The following CLSTN2 variants were observed in gnomAD, a reference collection of about 807,000 sequenced individuals.
The protein encoded by CLSTN2 is calsyntenin-2.
A neutral mutation model predicts 101.2 loss-of-function variants in CLSTN2; 48 were observed. The ratio of observed to expected loss-of-function variants is 0.47; its 90% CI spans 0.38 to 0.60. The LOEUF (loss-of-function observed/expected upper bound fraction) is 0.60, where lower values mean the gene tolerates loss of function less well. Among genes scored for constraint, CLSTN2 ranks in the 20% least tolerant of loss-of-function variants. CLSTN2 has a pLI of 0.00. For missense variants in CLSTN2, 1,160 were observed against 1,238.2 expected (o/e 0.94, Z 0.95); for synonymous variants, 481 against 463.6 (o/e 1.04, Z -0.48).
In CLSTN2 at chr3:139,951,731, C is replaced by T. The variant is rs926150503; in HGVS notation, c.109+16248C>T. Reference sequence around the variant, plus strand: ...GGAATATCTTTAAGGCAGCTGCCACCCTTTGGGAAAGAGGAGCTTGACAAA... The same window carrying T: ...GGAATATCTTTAAGGCAGCTGCCACTCTTTGGGAAAGAGGAGCTTGACAAA... On this transcript the variant is annotated intron_variant, in intron 1 of 16. Transcript: ENST00000458420. Among the ~76,000 whole-genome samples the T allele has an allele frequency of 5.3e-5, 8 of 152,062 alleles. No individual in the cohort carries two copies. In the East Asian group the frequency reaches 1.5e-3, roughly 29 times the overall value.
At chr3:139,974,817 G>A (rs2107820604) in intron 1 of CLSTN2, among the ~76,000 whole-genome samples, 1 of 152,306 alleles carries the variant, frequency 6.6e-6, no homozygotes, top group East Asian at 1.9e-4. Flanking sequence ...TTTATTCTGG[G>A]TAATCAGGCC....
chr3:140,322,605 T>G lies in CLSTN2; in HGVS notation c.233-81024T>G, dbSNP rs145884590. Among the ~76,000 whole-genome samples, 225 of 152,364 alleles carry G rather than the reference T, an allele frequency of 1.5e-3. 1 individual carries two copies. The highest frequency in any genetic ancestry group is 2.7e-3 in the Non-Finnish European group (183 of 68,028). ...ATAAGCCATTTGCTTTTATTTCTGTTGAACCTTAAAAACACATTAACAGAA... is the reference window on the plus strand; with the variant it reads ...ATAAGCCATTTGCTTTTATTTCTGTGGAACCTTAAAAACACATTAACAGAA... On this transcript the variant is annotated intron_variant, in intron 2 of 16. Coordinates refer to ENST00000458420, the MANE Select transcript of CLSTN2 (RefSeq NM_022131.3).
intron 4 of CLSTN2, among the ~76,000 whole-genome samples, chr3:140,405,974 GAT>G (rs1351810985): frequency 6.6e-6 from 1 of 151,608 alleles, no homozygotes; most frequent in East Asian, 1.9e-4. Context: ...CTGGAAAGGA[GAT>G]AGAGTGGAAC....
intron 2 of CLSTN2, among the ~76,000 whole-genome samples, chr3:140,193,526 T>C (rs2010602554): frequency 6.6e-6 from 1 of 152,032 alleles, no homozygotes; most frequent in African/African-American, 2.4e-5. Flanking sequence ...TTTTGTTTGT[T>C]TGTTTGTTTG....
intron 2 of CLSTN2, among the ~76,000 whole-genome samples, chr3:140,273,381 A>AAT (rs1298117350): frequency 1.3e-5 from 2 of 152,102 alleles, no homozygotes; most frequent in African/African-American, 4.8e-5. Flanking sequence ...GTAAAATAAG[A>AAT]ATATATATAT....
intron 2 of CLSTN2, among the ~76,000 whole-genome samples, chr3:140,324,321 C>T (rs1180059250): frequency 6.6e-6 from 1 of 152,186 alleles, no homozygotes; most frequent in Non-Finnish European, 1.5e-5. Context: ...AATAATTAAA[C>T]AGTCCATGTT....
At position 139,935,730 on chromosome 3, in the gene CLSTN2, G is replaced by C. The variant is rs1192333636; in HGVS notation, c.109+247G>C. ...CTGAGCAGAAGGCGAGGTCTGGGGA[G>C]TACGGACAACTTTGAGGGCTGTCTG... On this transcript the variant is annotated intron_variant, in intron 1 of 16. Coordinates refer to ENST00000458420, the MANE Select transcript of CLSTN2 (RefSeq NM_022131.3). The surrounding 1 kb of genome is among the most constrained non-coding windows in gnomAD (Gnocchi z 5.5). Among the ~76,000 whole-genome samples the C allele has an allele frequency of 6.6e-6, 1 of 151,998 alleles. No homozygotes were observed. Among genetic ancestry groups the C allele is most frequent in the Non-Finnish European group, 1.5e-5 (1 of 67,942 alleles).
intron 1 of CLSTN2, among the ~76,000 whole-genome samples, chr3:140,033,570 T>C (rs983576361): frequency 6.6e-6 from 1 of 152,198 alleles, no homozygotes; most frequent in Non-Finnish European, 1.5e-5. Flanking sequence ...CCACTATCAC[T>C]GTGTACCTTC....
chr3:140,314,578 T>A (rs1049485775), intron 2 of CLSTN2, among the ~76,000 whole-genome samples: 3 of 144,858 alleles, frequency 2.1e-5, no homozygotes, highest in Non-Finnish European at 4.5e-5. Flanking sequence ...AGCCAGTGCT[T>A]TTTTTTTTCT....
chr3:140,129,748 C>T (rs2009493855), intron 1 of CLSTN2, among the ~76,000 whole-genome samples: 1 of 152,148 alleles, frequency 6.6e-6, no homozygotes, highest in Non-Finnish European at 1.5e-5. Flanking sequence ...TAATCAGGCA[C>T]CAGATCAGCT....
Position 140,563,095 on chromosome 3 carries a change from G to A in CLSTN2, c.2374G>A (p.Glu792Lys). The A allele has an allele frequency of 6.2e-7, 1 of 1,614,088 alleles. No individual in the cohort carries two copies. The highest frequency in any genetic ancestry group is 8.5e-7 in the Non-Finnish European group (1 of 1,180,000). Residue 792 changes from glutamate to lysine, a missense_variant, in exon 15 of 17, where the codon GAA becomes AAA. Physicochemically the swap from Glu to Lys is moderately conservative, Grantham distance 56. Coordinates refer to ENST00000458420, the MANE Select transcript of CLSTN2 (RefSeq NM_022131.3). ...EFNLEVSILH[E>K]DQVSDKEHVN... The stretch of plus-strand genomic sequence containing the variant: ...CTCTTCCCAGGTCAGCATCCTTCAT[G>A]AAGACCAAGTCTCAGATAAGGAGCA...
intron 1 of CLSTN2, among the ~76,000 whole-genome samples, chr3:140,018,638 G>C (rs530925217): frequency 2.6e-5 from 4 of 152,186 alleles, no homozygotes; most frequent in Non-Finnish European, 4.4e-5. Flanking sequence ...TCAAGGCTGA[G>C]CTCCTGCTTA....
Position 140,497,073 on chromosome 3 carries a change from C to G in CLSTN2, c.1344+30342C>G, listed in dbSNP as rs191825528. On this transcript the variant is annotated intron_variant, in intron 8 of 16. Transcript: ENST00000458420. ...CCGAGATTGCGCTATTAACCTCTAG[C>G]TTGGGTGACACAGCGAGACTCCGTC... Among the ~76,000 whole-genome samples, 11 of 141,568 alleles carry G rather than the reference C, an allele frequency of 7.8e-5. No individual in the cohort carries two copies. The South Asian group carries it at 1.1e-3, about 14-fold the overall frequency. 92.9% of individuals were successfully genotyped at this position (141,568 alleles called of 152,430 possible).
intron 1 of CLSTN2, among the ~76,000 whole-genome samples, chr3:139,970,583 G>A (rs1354143685): frequency 1.3e-5 from 2 of 152,124 alleles, no homozygotes; most frequent in African/African-American, 2.4e-5. Flanking sequence ...GGACCATTTC[G>A]GTGATGATGC....
intron 1 of CLSTN2, among the ~76,000 whole-genome samples, chr3:140,094,592 G>GA (rs1187296704): frequency 6.6e-6 from 1 of 152,284 alleles, no homozygotes; most frequent in East Asian, 1.9e-4. Context: ...TTAGCAAATG[G>GA]AATGTTCAGT....
At chr3:140,281,247 T>C (rs1315145009) in intron 2 of CLSTN2, among the ~76,000 whole-genome samples, 1 of 152,230 alleles carries the variant, frequency 6.6e-6, no homozygotes, top group Non-Finnish European at 1.5e-5. Flanking sequence ...TGAATTATTT[T>C]CATTTTAACA....
intron 2 of CLSTN2, among the ~76,000 whole-genome samples, chr3:140,367,281 G>A (rs1050030306): frequency 1.3e-5 from 2 of 152,030 alleles, no homozygotes; most frequent in African/African-American, 2.4e-5. Flanking sequence ...TTTGGAGGCC[G>A]AGGTGGGCAG....
chr3:140,172,336 T>C (rs1441038878), intron 1 of CLSTN2, among the ~76,000 whole-genome samples: 1 of 151,884 alleles, frequency 6.6e-6, no homozygotes, highest in Non-Finnish European at 1.5e-5. Flanking sequence ...TAGAATGGAG[T>C]AGGGCAAGAT....
chr3:140,277,523 G>A (rs1405053115), intron 2 of CLSTN2, among the ~76,000 whole-genome samples: 1 of 152,144 alleles, frequency 6.6e-6, no homozygotes, highest in African/African-American at 2.4e-5. Flanking sequence ...AGCTCACCTT[G>A]AAAAATAACA....
Sources: gnomAD v4.1 joint callset for allele counts (sites outside exome capture counted in the v4.1 genomes callset) on GRCh38, gnomAD v4.1.1 for gene constraint, Gnocchi (gnomAD v3.1) non-coding constraint, MANE v1.5 for transcripts, NCBI Gene and HGNC (gene_info 2026-07-23, HGNC 2026-07-21) for gene names.